The following ZNF512B variants were observed in gnomAD, a reference collection of about 807,000 sequenced individuals.
ZNF512B encodes zinc finger protein 512B.
In ZNF512B, 22 loss-of-function variants were observed where a neutral mutation model predicts 87.8. The ratio of observed to expected loss-of-function variants is 0.25; its 90% CI spans 0.18 to 0.36. The LOEUF (loss-of-function observed/expected upper bound fraction) is 0.36, where lower values mean the gene tolerates loss of function less well. ZNF512B is among the 10% of genes least tolerant of loss of function. The pLI, the probability that ZNF512B is intolerant of heterozygous loss-of-function variation, is 1.00. For missense variants in ZNF512B, 1,060 were observed against 1,231.6 expected (o/e 0.86, Z 2.09); for synonymous variants, 524 against 490.9 (o/e 1.07, Z -0.89).
Position 63,961,224 on chromosome 20 carries a change from C to T in ZNF512B, c.2427+85G>A. 2 of 1,306,448 alleles carry T rather than the reference C, an allele frequency of 1.5e-6. No individual in the cohort carries two copies. The highest frequency in any genetic ancestry group is 2.9e-5 in the African/African-American group (2 of 69,312). The allele number at this position is 1,306,448 out of a possible 1,614,324, so 80.9% of individuals were successfully genotyped here. A position where few individuals can be genotyped will look rare whatever the true frequency, so the allele number is the denominator to read the frequency against. On this transcript the variant is annotated intron_variant, in intron 16 of 16. Transcript: ENST00000369888. This position sits in a 1 kb window ranked among gnomAD's most constrained non-coding sequence, Gnocchi z 6.4. The stretch of plus-strand genomic sequence containing the variant: ...CACACCCCATGCAGGCCACTGACCT[C>T]TCTACCCCCAAGGGGTGCCCAACCC...
In ZNF512B at chr20:63,962,699, C is replaced by T. The variant is rs1377528675; in HGVS notation, c.2051G>A (p.Arg684His). The change falls in exon 13 of 17, where the codon CGC becomes CAC. Residue 684 changes from arginine (R) to histidine (H), a missense_variant. Around this residue, in one of 9 missense-constraint regions of ZNF512B, gnomAD observed 14 missense variants for 38.7 expected, o/e 0.36. Coordinates refer to ENST00000369888, the MANE Select transcript of ZNF512B (RefSeq NM_020713.3). ...VERTPSGRVR[R>H]TSAQVAVFHL... is the part of the protein sequence containing the mutation. ...GAACACCGCCACCTGGGCCGACGTGCGGCGGACACGCCCGCTTGGGGTCCG... is the reference window on the plus strand; with the variant it reads ...GAACACCGCCACCTGGGCCGACGTGTGGCGGACACGCCCGCTTGGGGTCCG... The T allele has an allele frequency of 6.2e-7, 1 of 1,602,416 alleles. No homozygotes were observed. The highest frequency in any genetic ancestry group is 8.5e-7 in the Non-Finnish European group (1 of 1,176,080).
At position 63,964,478 on chromosome 20, in the gene ZNF512B, C is replaced by T; in HGVS notation, c.1261+12G>A. 6.2e-7 allele frequency: 1 copy of T among 1,613,190 alleles called. No homozygotes were observed. On this transcript the variant is annotated intron_variant, in intron 6 of 16. Transcript: ENST00000369888. ...CCTGCCCCGGCCGCCACCCCTGGAG[C>T]TCTCATCTTACTGTGCTTTGTGCGC...
intron 8 of ZNF512B, 46 bp from the exon 9 acceptor site, chr20:63,963,959 T>C (rs751221692): frequency 1.9e-6 from 3 of 1,602,098 alleles, no homozygotes; most frequent in Non-Finnish European, 2.5e-6. Context: ...GGCTGCTGGG[T>C]GGCCCAGACG....
In ZNF512B at chr20:63,969,894, GGCGCAGGCTGCGCGCCGCGCT is replaced by G. The variant is rs1241718864; in HGVS notation, c.-104_-84del. ...GGGGCGCGGGGCGCTGGGTCCGGGCGGCGCAGGCTGCGCGCCGCGCTGCGCACATGCGCGCTCCCGCCCCTC... is the reference window on the plus strand; with the variant it reads ...GGGGCGCGGGGCGCTGGGTCCGGGCGGCGCACATGCGCGCTCCCGCCCCTC... On this transcript the variant is annotated 5_prime_UTR_variant, in exon 1 of 17. Transcript: ENST00000369888. 1 of 146,452 alleles carries G rather than the reference GGCGCAGGCTGCGCGCCGCGCT, an allele frequency of 6.8e-6. No homozygotes were observed. Among genetic ancestry groups the G allele is most frequent in the Non-Finnish European group, 1.5e-5 (1 of 65,886 alleles). The allele number at this position is 146,452 out of a possible 1,614,324, so 9.1% of individuals were successfully genotyped here.
In ZNF512B at chr20:63,966,194, G is replaced by A. The variant is rs905179347; in HGVS notation, c.981C>T (p.Thr327=). The change falls in exon 5 of 17, where the codon ACC becomes ACT. Residue 327 remains threonine (T), a synonymous_variant. Transcript: ENST00000369888. ...CACGAGGTGCTTTGTTCTCCGACCT[G>A]GTCAGCAGCACCATTTTGCAGGGCG... The part of the protein sequence containing the change: ...HTPPCKMVLL[T]RSENKAPRAT... 8.1e-6 allele frequency: 13 copies of A among 1,613,734 alleles called. No individual in the cohort carries two copies. The African/African-American group carries it at 1.6e-4, about 20-fold the overall frequency.
At position 63,962,769 on chromosome 20, in the gene ZNF512B, G is replaced by T. The variant is rs1569195072; in HGVS notation, c.1981C>A (p.Pro661Thr). ...SEHTAPPPEE[P>T]TDKSPEAEDP... is the part of the protein sequence containing the mutation. ...TCAGCCTCAGGGGACTTGTCTGTGG[G>T]CTCCTCAGGGGGCTGGAGGGCAGGA... is the stretch of plus-strand genomic sequence containing the variant. The change falls in exon 13 of 17, where the codon CCC becomes ACC. Residue 661 changes from proline (P) to threonine (T), a missense_variant. Transcript: ENST00000369888. 1.3e-6 allele frequency: 2 copies of T among 1,599,788 alleles called. No individual in the cohort carries two copies. Among genetic ancestry groups the T allele is most frequent in the South Asian group, 1.1e-5 (1 of 89,612 alleles).
At position 63,961,240 on chromosome 20, in the gene ZNF512B, T is replaced by C. The variant is rs2058847247; in HGVS notation, c.2427+69A>G. ...CACTGACCTCTCTACCCCCAAGGGG[T>C]GCCCAACCCCAGCCCTGTCCCCTCC... On this transcript the variant is annotated intron_variant, in intron 16 of 16. Transcript: ENST00000369888. The surrounding 1 kb of genome is among the most constrained non-coding windows in gnomAD (Gnocchi z 6.4). The C allele has an allele frequency of 6.7e-7, 1 of 1,494,502 alleles. No homozygotes were observed. The highest frequency in any genetic ancestry group is 2.3e-5 in the East Asian group (1 of 44,240). The allele number at this position is 1,494,502 out of a possible 1,614,324, so 92.6% of individuals were successfully genotyped here. A position where few individuals can be genotyped will look rare whatever the true frequency, so the allele number is the denominator to read the frequency against.
Position 63,966,411 on chromosome 20 carries a change from G to A in ZNF512B, c.764C>T (p.Thr255Ile). 2 of 1,613,970 alleles carry A rather than the reference G, an allele frequency of 1.2e-6. No individual in the cohort carries two copies. The highest frequency in any genetic ancestry group is 1.6e-4 in the Middle Eastern group (1 of 6,062). ...AGACTTGGTGACTGTGATGGGTTTG[G>A]TGACCGGCATGGCCTTGGTGACGGG... ...PMPVTKAMPV[T>I]KPITVTKSVP... The change falls in exon 5 of 17, where the codon ACC (threonine) becomes ATC (isoleucine). Residue 255 changes from threonine to isoleucine, a missense_variant. By Grantham distance (89) the Thr-to-Ile change is moderately conservative (BLOSUM62 -1). Around this residue, in one of 9 missense-constraint regions of ZNF512B, gnomAD observed 201 missense variants for 226.8 expected, o/e 0.89. Coordinates refer to ENST00000369888, the MANE Select transcript of ZNF512B (RefSeq NM_020713.3).
In ZNF512B at chr20:63,961,010, C is replaced by T. The variant is rs972534638; in HGVS notation, c.2427+299G>A. Reference sequence around the variant, plus strand: ...ACAGCCTTCGGGACCAGGCAAGCACCTGCAGCAGGGCTGGACACAGCCTTC... The same window carrying T: ...ACAGCCTTCGGGACCAGGCAAGCACTTGCAGCAGGGCTGGACACAGCCTTC... On this transcript the variant is annotated intron_variant, in intron 16 of 16. Transcript: ENST00000369888. The surrounding 1 kb of genome is among the most constrained non-coding windows in gnomAD (Gnocchi z 6.4). 1.3e-5 allele frequency among the ~76,000 whole-genome samples: 2 copies of T among 151,486 alleles called. No individual in the cohort carries two copies. The highest frequency in any genetic ancestry group is 4.9e-5 in the African/African-American group (2 of 41,222).
rs760477814 is a variant in ZNF512B at position 63,967,854 on chromosome 20, T to C, written c.97A>G (p.Met33Val). ...DGSRKEVRLP[M>V]LHDPPKMGMP... ...CCCATCTTCGGTGGGTCATGCAGCATTGGAAGTCGGACCTCCTTTCGGCTG... is the reference window on the plus strand; with the variant it reads ...CCCATCTTCGGTGGGTCATGCAGCACTGGAAGTCGGACCTCCTTTCGGCTG... The change falls in exon 2 of 17, where the codon ATG becomes GTG. Residue 33 changes from methionine (M) to valine (V), a missense_variant. By Grantham distance (21) the Met-to-Val change is conservative. This residue lies in a region of ZNF512B where 134 missense variants were observed against 153.6 expected (regional missense o/e 0.87). Coordinates refer to ENST00000369888, the MANE Select transcript of ZNF512B (RefSeq NM_020713.3). 3.7e-6 allele frequency: 6 copies of C among 1,613,278 alleles called. No individual in the cohort carries two copies. The highest frequency in any genetic ancestry group is 2.2e-5 in the East Asian group (1 of 44,886).
intron 16 of ZNF512B, among the ~76,000 whole-genome samples, chr20:63,960,447 C>T (rs1348627312): frequency 6.7e-6 from 1 of 148,154 alleles, no homozygotes; most frequent in Admixed American, 6.7e-5. Flanking sequence ...GCCTTCTGGA[C>T]CAGGCAAGCA....
rs2058963613 is a variant in ZNF512B at position 63,969,891 on chromosome 20, GGCGGCGCAGGCTGCGCGCCGC to G, written c.-101_-81del. 6.8e-6 allele frequency: 1 copy of G among 146,150 alleles called. No individual in the cohort carries two copies. Among genetic ancestry groups the G allele is most frequent in the Non-Finnish European group, 1.5e-5 (1 of 65,720 alleles). 9.1% of individuals were successfully genotyped at this position (146,150 alleles called of 1,614,324 possible). On this transcript the variant is annotated 5_prime_UTR_variant, in exon 1 of 17. Transcript: ENST00000369888. ...CGCGGGGCGCGGGGCGCTGGGTCCG[GGCGGCGCAGGCTGCGCGCCGC>G]GCTGCGCACATGCGCGCTCCCGCCC...
In ZNF512B at chr20:63,964,661, T is replaced by C. The variant is rs544961198; in HGVS notation, c.1090A>G (p.Asn364Asp). 6.2e-7 allele frequency: 1 copy of C among 1,612,360 alleles called. No individual in the cohort carries two copies. Among genetic ancestry groups the C allele is most frequent in the African/African-American group, 1.3e-5 (1 of 75,020 alleles). ...ATGGAGGAGGGGCCGTACTCCCCAT[T>C]CTCTGGCCTGGCCTGCTTGGGTGGA... ...PIPPKQARPE[N>D]GEYGPSSMGQ... is the part of the protein sequence containing the mutation. Residue 364 changes from asparagine to aspartate, a missense_variant, in exon 6 of 17, where the codon AAT (asparagine) becomes GAT (aspartate). By Grantham distance (23) the Asn-to-Asp change is conservative. Around this residue, in one of 9 missense-constraint regions of ZNF512B, gnomAD observed 212 missense variants for 207.6 expected, o/e 1.02. Coordinates refer to ENST00000369888, the MANE Select transcript of ZNF512B (RefSeq NM_020713.3).
intron 8 of ZNF512B, 64 bp from the exon 9 acceptor site, chr20:63,963,977 C>T (rs1357014054): frequency 1.3e-6 from 2 of 1,598,718 alleles, no homozygotes; most frequent in Admixed American, 1.7e-5. Context: ...ACGCCAGGCA[C>T]AGAATCCAGT....
chr20:63,969,074 C>A (rs1170428407), intron 1 of ZNF512B: 1 of 978,094 alleles, frequency 1.0e-6, no homozygotes, highest in Non-Finnish European at 1.2e-6. Context: ...CAGTCACTGC[C>A]CATTGCCAAG....
rs2058935047 is a variant in ZNF512B, at chr20:63,966,980, C to T, written c.289G>A (p.Asp97Asn). Residue 97 changes from aspartate to asparagine, a missense_variant, in exon 4 of 17, where the codon GAT becomes AAT. Coordinates refer to ENST00000369888, the MANE Select transcript of ZNF512B (RefSeq NM_020713.3). ...IPLSLMNDWKDEFKAHSRVKC... is the reference protein window; with the variant it reads ...IPLSLMNDWKNEFKAHSRVKC... ...ACCCTCGAGTGTGCCTTGAACTCAT[C>T]CTTCCAGTCGTTCATCAGGGAGAGC... is the stretch of plus-strand genomic sequence containing the variant. The T allele has an allele frequency of 1.9e-6, 3 of 1,613,544 alleles. No individual in the cohort carries two copies. The highest frequency in any genetic ancestry group is 2.5e-6 in the Non-Finnish European group (3 of 1,180,026).
chr20:63,960,226 G>A (rs1569192229), intron 16 of ZNF512B, 87 bp from the exon 17 acceptor site: 1 of 1,554,530 alleles, frequency 6.4e-7, no homozygotes, highest in Non-Finnish European at 8.7e-7. Flanking sequence ...AGACCTGTCA[G>A]CCTTCAGGAC....
rs917140224 is a variant in ZNF512B at position 63,964,142 on chromosome 20, C to T, written c.1409G>A (p.Arg470Gln). The change falls in exon 8 of 17, where the codon CGG (arginine) becomes CAG (glutamine). Residue 470 changes from arginine (R) to glutamine (Q), a missense_variant. Around this residue, in one of 9 missense-constraint regions of ZNF512B, gnomAD observed 212 missense variants for 207.6 expected, o/e 1.02. Transcript: ENST00000369888. The stretch of plus-strand genomic sequence containing the variant: ...GATGGGGGCAGCTGGCACCTTCTTC[C>T]GGGCGTCCTCAGGGCCTGGCCCCTC... ...KQEGPGPEDARKKVPAAPITV... is the reference protein window; with the variant it reads ...KQEGPGPEDAQKKVPAAPITV... 8.7e-6 allele frequency: 14 copies of T among 1,603,802 alleles called. No homozygotes were observed. Among genetic ancestry groups the T allele is most frequent in the Admixed American group, 1.7e-5 (1 of 58,220 alleles).
At chr20:63,964,766 C>G in intron 5 of ZNF512B, 50 bp from the exon 6 acceptor site, 4 of 1,593,638 alleles carry the variant, frequency 2.5e-6, no homozygotes, top group Non-Finnish European at 3.4e-6. Flanking sequence ...CTGTGGGCCC[C>G]ATTACCCCCA....
Sources: allele counts gnomAD v4.1 joint callset (sites outside exome capture counted in the v4.1 genomes callset), GRCh38; gene constraint gnomAD v4.1.1; regional missense constraint gnomAD v4.1.1; non-coding constraint Gnocchi (gnomAD v3.1); transcripts MANE v1.5; gene names NCBI Gene and HGNC (gene_info 2026-07-23, HGNC 2026-07-21).